Variants in SMAD4 observed in about 807,000 individuals in gnomAD.
SMAD4 encodes the protein MAD homolog 4.
SMAD4 carries 7 observed loss-of-function variants against 63.2 expected under a neutral mutation model. The observed-to-expected ratio is 0.11, with a 90% CI of 0.06 to 0.21. The LOEUF (loss-of-function observed/expected upper bound fraction) is 0.21. Ranked by LOEUF, SMAD4 falls within the 10% of genes least tolerant of loss-of-function variation. SMAD4 has a pLI of 1.00. For synonymous variants in SMAD4, 215 were observed against 235.4 expected (o/e 0.91, Z 0.79); for missense variants, 312 against 693.8 (o/e 0.45, Z 6.18).
rs1313841364 is a variant in SMAD4, at chr18:51,083,684, G to A, written c.*5217G>A. 3 of 227,954 alleles carry A rather than the reference G, an allele frequency of 1.3e-5. No homozygotes were observed. Among genetic ancestry groups the A allele is most frequent in the East Asian group, 6.3e-5 (1 of 15,978 alleles). 14.1% of individuals were successfully genotyped at this position (227,954 alleles called of 1,614,324 possible). A position where few individuals can be genotyped will look rare whatever the true frequency, so the allele number is the denominator to read the frequency against. ...CACAAATTTGATGTGTGACCTTTGG[G>A]CAAGTCATTTATCTTCTCTGGGCCT... On this transcript the variant is annotated 3_prime_UTR_variant, in exon 12 of 12. Coordinates refer to ENST00000342988, the MANE Select transcript of SMAD4 (RefSeq NM_005359.6).
chr18:51,069,001 T>G (rs1910245816), intron 10 of SMAD4, among the ~76,000 whole-genome samples: 1 of 152,228 alleles, frequency 6.6e-6, no homozygotes, highest in Non-Finnish European at 1.5e-5. Context: ...GTTATTTGTT[T>G]ATATGTACCC....
intron 10 of SMAD4, among the ~76,000 whole-genome samples, chr18:51,074,778 A>G (rs1317940429): frequency 1.3e-5 from 2 of 152,250 alleles, no homozygotes; most frequent in African/African-American, 2.4e-5. Flanking sequence ...GTCATAGCCT[A>G]GAAGTTCTGA....
chr18:51,063,777 T>C (rs1406566191), intron 8 of SMAD4, among the ~76,000 whole-genome samples: 1 of 152,184 alleles, frequency 6.6e-6, no homozygotes, highest in Non-Finnish European at 1.5e-5. Context: ...AGACACTTAG[T>C]GTATCACTGG....
chr18:51,073,737 G>T (rs559958078), intron 10 of SMAD4, among the ~76,000 whole-genome samples: 1 of 152,006 alleles, frequency 6.6e-6, no homozygotes, highest in South Asian at 2.1e-4. Flanking sequence ...CACCATGTTG[G>T]CCAGGCTGGT....
chr18:51,078,260 G>C lies in SMAD4; in HGVS notation c.1452G>C (p.Leu484=), dbSNP rs1555687538. ...CTTCCAAATCTTTTCTGTTAGGTCT[G>C]TCAGCTGCTGCTGGAATTGGTGTTG... ...SVGGIAPAIS[L]SAAAGIGVDD... is the part of the protein sequence containing the mutation. The change falls in exon 12 of 12, where the codon CTG becomes CTC. Residue 484 remains leucine (L), a synonymous_variant. Coordinates refer to ENST00000342988, the MANE Select transcript of SMAD4 (RefSeq NM_005359.6). 1 of 1,613,994 alleles carries C rather than the reference G, an allele frequency of 6.2e-7. No individual in the cohort carries two copies.
In SMAD4 at chr18:51,084,413, A is replaced by G. The variant is rs529594222; in HGVS notation, c.*5946A>G. 2.5e-4 allele frequency: 54 copies of G among 219,194 alleles called. No homozygotes were observed. Among genetic ancestry groups the G allele is most frequent in the African/African-American group, 1.1e-3 (50 of 44,438 alleles). 13.6% of individuals were successfully genotyped at this position (219,194 alleles called of 1,614,324 possible). The stretch of plus-strand genomic sequence containing the variant: ...TGATTAAGTGACTTTTGGCTGGATC[A>G]TTCAGAGCTCTCTTCTAGCCTACCC... On this transcript the variant is annotated 3_prime_UTR_variant, in exon 12 of 12. Transcript: ENST00000342988.
intron 4 of SMAD4, among the ~76,000 whole-genome samples, chr18:51,051,900 G>T (rs542547367): frequency 6.6e-6 from 1 of 151,876 alleles, no homozygotes; most frequent in Non-Finnish European, 1.5e-5. Flanking sequence ...TCCGCCTCCC[G>T]AGTTCAAGCG....
At chr18:51,045,023 CAGAG>C (rs2144396165) in intron 1 of SMAD4, 1 of 152,304 alleles carries the variant, frequency 6.6e-6, no homozygotes, top group South Asian at 2.1e-4. Context: ...GAGATAACAA[CAGAG>C]GGAGGAGCAA....
At position 51,080,777 on chromosome 18, in the gene SMAD4, G is replaced by A. The variant is rs1910593813; in HGVS notation, c.*2310G>A. ...GCTGGTCTTGAACTCCTGACCTCAA[G>A]TGATCCATCCACCTTGGCCTCCCAA... On this transcript the variant is annotated 3_prime_UTR_variant, in exon 12 of 12. Transcript: ENST00000342988. 5.8e-6 allele frequency: 1 copy of A among 173,818 alleles called. No homozygotes were observed. The allele number at this position is 173,818 out of a possible 1,614,324, so 10.8% of individuals were successfully genotyped here.
chr18:51,035,602 C>T (rs1231557585), intron 1 of SMAD4, among the ~76,000 whole-genome samples: 1 of 152,172 alleles, frequency 6.6e-6, no homozygotes, highest in Non-Finnish European at 1.5e-5. Flanking sequence ...CATTTTCAAG[C>T]CCCCAATTAA....
At chr18:51,056,620 C>CAA (rs74178610) in intron 5 of SMAD4, among the ~76,000 whole-genome samples, 386 of 58,494 alleles carry the variant, frequency 6.6e-3, no homozygotes, top group East Asian at 0.011. Context: ...ACTCCATCTC[C>CAA]AAAAAAAAAA....
In SMAD4 at chr18:51,037,482, C is replaced by T. The variant is rs149711553; in HGVS notation, c.-128+6859C>T. ...CAGTTATACCAAACATATGAGTCCT[C>T]ATTGTGTTCTTTATAGTCAAACACA... On this transcript the variant is annotated intron_variant, in intron 1 of 11. Coordinates refer to ENST00000342988, the MANE Select transcript of SMAD4 (RefSeq NM_005359.6). Among the ~76,000 whole-genome samples, 347 of 152,282 alleles carry T rather than the reference C, an allele frequency of 2.3e-3. 2 individuals carry two copies. The highest frequency in any genetic ancestry group is 8.1e-3 in the African/African-American group (336 of 41,560).
chr18:51,059,722 CT>C (rs1027761228), intron 7 of SMAD4, 143 bp from the exon 8 acceptor site: 1 of 670,996 alleles, frequency 1.5e-6, no homozygotes, highest in Admixed American at 2.5e-5. Context: ...TTATTGTAAA[CT>C]TTTAAGTTCT....
intron 1 of SMAD4, among the ~76,000 whole-genome samples, chr18:51,035,206 T>G (rs1012190323): frequency 6.6e-6 from 1 of 152,250 alleles, no homozygotes; most frequent in Non-Finnish European, 1.5e-5. Context: ...TTCTTCACTT[T>G]CAGTTTATTT....
In SMAD4 at chr18:51,081,544, C is replaced by T. The variant is rs1910613027; in HGVS notation, c.*3077C>T. The T allele has an allele frequency of 4.3e-6, 1 of 232,012 alleles. No individual in the cohort carries two copies. 14.4% of individuals were successfully genotyped at this position (232,012 alleles called of 1,614,324 possible). ...ACTAAATAGGTTGCCTATACCATTCCTCCTGTGAACAGTGCAGATTTACAG... is the reference window on the plus strand; with the variant it reads ...ACTAAATAGGTTGCCTATACCATTCTTCCTGTGAACAGTGCAGATTTACAG... On this transcript the variant is annotated 3_prime_UTR_variant, in exon 12 of 12. Transcript: ENST00000342988.
chr18:51,056,634 A>AG (rs1400533978), intron 5 of SMAD4, among the ~76,000 whole-genome samples: 5,964 of 149,754 alleles, frequency 0.04, 475 homozygotes, highest in African/African-American at 0.14. Flanking sequence ...AAAAAAAAAA[A>AG]AAAAAAAAAA....
chr18:51,037,596 G>A (rs568456729), intron 1 of SMAD4, among the ~76,000 whole-genome samples: 16 of 152,280 alleles, frequency 1.1e-4, no homozygotes, highest in Non-Finnish European at 1.6e-4. Flanking sequence ...TCTCTACCTT[G>A]GAGTATGTCT....
At position 51,080,506 on chromosome 18, in the gene SMAD4, T is replaced by TTTGA. The variant is rs1207425242; in HGVS notation, c.*2042_*2045dup. 1 of 219,934 alleles carries TTTGA rather than the reference T, an allele frequency of 4.5e-6. No individual in the cohort carries two copies. The allele number at this position is 219,934 out of a possible 1,614,324, so 13.6% of individuals were successfully genotyped here. A position where few individuals can be genotyped will look rare whatever the true frequency, so the allele number is the denominator to read the frequency against. ...AACAGATTTTTAAAAATCCAGATGATTTGATTAAAACCTTAATCATACATT... is the reference window on the plus strand; with the variant it reads ...AACAGATTTTTAAAAATCCAGATGATTTGATTGATTAAAACCTTAATCATACATT... On this transcript the variant is annotated 3_prime_UTR_variant, in exon 12 of 12. Transcript: ENST00000342988.
Position 51,054,974 on chromosome 18 carries a change from C to A in SMAD4, c.648C>A (p.Asn216Lys). The A allele has an allele frequency of 6.2e-7, 1 of 1,613,848 alleles. No homozygotes were observed. The highest frequency in any genetic ancestry group is 8.5e-7 in the Non-Finnish European group (1 of 1,179,690). The change falls in exon 5 of 12, where the codon AAC becomes AAA. Residue 216 changes from asparagine to lysine, a missense_variant. Physicochemically the swap from Asn to Lys is moderately conservative, Grantham distance 94. Transcript: ENST00000342988. The part of the protein sequence containing the change: ...SNATSTANFP[N>K]IPVASTSQPA... Reference sequence around the variant, plus strand: ...CTACCAGCACTGCCAACTTTCCCAACATTCCTGTGGCTTCCACAAGTGAGT... The same window carrying A: ...CTACCAGCACTGCCAACTTTCCCAAAATTCCTGTGGCTTCCACAAGTGAGT...
Sources: gnomAD v4.1 joint callset for allele counts (sites outside exome capture counted in the v4.1 genomes callset) on GRCh38, gnomAD v4.1.1 for gene constraint, MANE v1.5 for transcripts, NCBI Gene and HGNC (gene_info 2026-07-23, HGNC 2026-07-21) for gene names.